The following RSPH3 variants were observed in gnomAD, a reference collection of about 807,000 sequenced individuals.
The protein encoded by RSPH3 is radial spoke head protein 3 homolog.
RSPH3 carries 21 observed loss-of-function variants against 43.8 expected under a neutral mutation model. That is an observed-to-expected ratio of 0.48 (90% CI 0.34 to 0.69). The LOEUF (loss-of-function observed/expected upper bound fraction) is 0.69, where lower values mean the gene tolerates loss of function less well. RSPH3 is among the 30% of genes least tolerant of loss of function. The pLI, the probability that RSPH3 is intolerant of heterozygous loss-of-function variation, is 0.01. For missense variants in RSPH3, 487 were observed against 516.0 expected (o/e 0.94, Z 0.54); for synonymous variants, 173 against 179.8 (o/e 0.96, Z 0.30).
chr6:158,965,287 T>C, the RSPH3 span, among the ~76,000 whole-genome samples: 1 of 152,082 alleles, frequency 6.6e-6, no homozygotes, highest in Non-Finnish European at 1.5e-5. Context: ...TCAATATGGG[T>C]TTTAGGACTG....
the RSPH3 span, among the ~76,000 whole-genome samples, chr6:158,965,288 T>C: frequency 6.6e-6 from 1 of 152,106 alleles, no homozygotes; most frequent in Non-Finnish European, 1.5e-5. Flanking sequence ...CAATATGGGT[T>C]TTAGGACTGG....
At chr6:158,984,701 C>T (rs1778169364) in intron 3 of RSPH3, among the ~76,000 whole-genome samples, 1 of 151,536 alleles carries the variant, frequency 6.6e-6, no homozygotes, top group African/African-American at 2.4e-5. Flanking sequence ...TAGGACTTGG[C>T]CAAGTCATGT....
At chr6:158,993,780 T>G in intron 2 of RSPH3, 59 bp downstream of exon 2, 1 of 900,096 alleles carries the variant, frequency 1.1e-6, no homozygotes, top group East Asian at 2.6e-5. Context: ...ACCAAGAAAC[T>G]GATCCTTCCC....
Position 158,999,844 on chromosome 6 carries a change from G to A in RSPH3, c.-294C>T. The A allele has an allele frequency of 6.2e-7, 1 of 1,613,964 alleles. No individual in the cohort carries two copies. Among genetic ancestry groups the A allele is most frequent in the African/African-American group, 1.3e-5 (1 of 75,058 alleles). On this transcript the variant is annotated 5_prime_UTR_variant, in exon 1 of 8. Coordinates refer to ENST00000367069, the MANE Select transcript of RSPH3 (RefSeq NM_031924.8). ...AACTCCGGGCAGTTCCGGTCCCCAG[G>A]TTTCCCGGGAAGGACTGCGGCACAA...
downstream of RSPH3, among the ~76,000 whole-genome samples, chr6:158,968,860 C>T (rs139339189): frequency 0.02 from 2,987 of 151,584 alleles, 39 homozygotes; most frequent in Admixed American, 0.024. Context: ...TACAGGTGTG[C>T]GCCACCACAC....
At position 158,978,253 on chromosome 6, in the gene RSPH3, A is replaced by G; in HGVS notation, c.946+7T>C. 6.9e-7 allele frequency: 1 copy of G among 1,450,742 alleles called. No homozygotes were observed. The highest frequency in any genetic ancestry group is 9.6e-7 in the Non-Finnish European group (1 of 1,040,092). 89.9% of individuals were successfully genotyped at this position (1,450,742 alleles called of 1,614,324 possible). ...TTAGAGATGAATTTTTGGATAAAAT[A>G]ACTTACTGTCAAGCACTGTTCTTCC... On this transcript the variant is annotated splice_region_variant and intron_variant, in intron 7 of 7. Coordinates refer to ENST00000367069, the MANE Select transcript of RSPH3 (RefSeq NM_031924.8).
chr6:158,978,326 G>T lies in RSPH3; in HGVS notation c.880C>A (p.Pro294Thr). 6.5e-7 allele frequency: 1 copy of T among 1,529,280 alleles called. No homozygotes were observed. The highest frequency in any genetic ancestry group is 9.0e-7 in the Non-Finnish European group (1 of 1,105,670). The allele number at this position is 1,529,280 out of a possible 1,614,324, so 94.7% of individuals were successfully genotyped here. Reference protein sequence around the residue: ...IERDIEIGFLPWLMNEVEKTM... With the variant: ...IERDIEIGFLTWLMNEVEKTM... ...TTTTCAACTTCATTCATTAGCCATG[G>T]AAGAAATCCTATCTCAATATCTGTA... Residue 294 changes from proline to threonine, a missense_variant, in exon 7 of 8, where the codon CCA (proline) becomes ACA (threonine). Transcript: ENST00000367069.
Position 158,973,404 on chromosome 6 carries a change from T to C in RSPH3, c.*4134A>G, listed in dbSNP as rs187924332. The C allele has an allele frequency of 1.7e-4, 26 of 152,318 alleles. No homozygotes were observed. The highest frequency in any genetic ancestry group is 6.3e-4 in the African/African-American group (26 of 41,570). The allele number at this position is 152,318 out of a possible 1,614,324, so 9.4% of individuals were successfully genotyped here. A position where few individuals can be genotyped will look rare whatever the true frequency, so the allele number is the denominator to read the frequency against. On this transcript the variant is annotated 3_prime_UTR_variant, in exon 8 of 8. Transcript: ENST00000367069. The stretch of plus-strand genomic sequence containing the variant: ...TGGATGGTTATGGTACCATAACATT[T>C]TGATATAATATGCAAAATGCTGCTT...
Position 158,983,827 on chromosome 6 carries a change from T to C in RSPH3, c.347-20A>G. The C allele has an allele frequency of 1.3e-6, 2 of 1,562,136 alleles. No homozygotes were observed. Among genetic ancestry groups the C allele is most frequent in the South Asian group, 1.1e-5 (1 of 89,890 alleles). On this transcript the variant is annotated intron_variant, in intron 3 of 7. Transcript: ENST00000367069. Reference sequence around the variant, plus strand: ...ATAATTCTAAGAAGAATATCATATATATCGAGTTTAAAATTCTGGTCTAAG... The same window carrying C: ...ATAATTCTAAGAAGAATATCATATACATCGAGTTTAAAATTCTGGTCTAAG...
chr6:158,990,002 G>C (rs928236584), intron 2 of RSPH3, among the ~76,000 whole-genome samples: 2 of 152,146 alleles, frequency 1.3e-5, no homozygotes, highest in Non-Finnish European at 2.9e-5. Context: ...TGTGGAAAGA[G>C]AGACTGGCCT....
chr6:158,993,613 C>T (rs768175270), intron 2 of RSPH3, among the ~76,000 whole-genome samples: 4 of 152,120 alleles, frequency 2.6e-5, no homozygotes, highest in Non-Finnish European at 5.9e-5. Context: ...AAACTCTACA[C>T]TCATTAAACA....
chr6:158,968,312 G>A (rs967612291), downstream of RSPH3, among the ~76,000 whole-genome samples: 1 of 152,064 alleles, frequency 6.6e-6, no homozygotes, highest in Non-Finnish European at 1.5e-5. Context: ...TCAGCTCACT[G>A]CAACCTCCAC....
At chr6:158,971,834 C>A (rs1048499605), downstream of RSPH3, among the ~76,000 whole-genome samples, 1 of 152,070 alleles carries the variant, frequency 6.6e-6, no homozygotes, top group Non-Finnish European at 1.5e-5. Flanking sequence ...GGGTGATTGC[C>A]GAGTCAGATT....
At chr6:158,984,364 G>T (rs1033360879) in intron 3 of RSPH3, among the ~76,000 whole-genome samples, 5 of 142,406 alleles carry the variant, frequency 3.5e-5, no homozygotes, top group Non-Finnish European at 3.0e-5. Context: ...ATTTGAAAAT[G>T]GAACTAAAGA....
intron 3 of RSPH3, 21 bp downstream of exon 3, chr6:158,986,259 G>A (rs779818455): frequency 3.7e-6 from 6 of 1,609,944 alleles, no homozygotes; most frequent in Non-Finnish European, 5.1e-6. Context: ...AGGACACAAT[G>A]CCAAGGGCAC....
chr6:158,982,685 A>G lies in RSPH3; in HGVS notation c.496T>C (p.Phe166Leu). The stretch of plus-strand genomic sequence containing the variant: ...GGTTTAACTTCAAGATCAAAGTCAA[A>G]GAGCTTAAACATACAAAATAAAGCA... Reference protein sequence around the residue: ...VATQILEGELFDFDLEVKPVL... With the variant: ...VATQILEGELLDFDLEVKPVL... The change falls in exon 5 of 8, where the codon TTT (phenylalanine) becomes CTT (leucine). Residue 166 changes from phenylalanine (F) to leucine (L), a missense_variant. By Grantham distance (22) the Phe-to-Leu change is conservative. Transcript: ENST00000367069. The G allele has an allele frequency of 6.2e-7, 1 of 1,611,978 alleles. No individual in the cohort carries two copies. Among genetic ancestry groups the G allele is most frequent in the Non-Finnish European group, 8.5e-7 (1 of 1,178,404 alleles).
chr6:158,985,571 C>T lies in RSPH3; in HGVS notation c.346+709G>A, dbSNP rs190098082. 6.6e-5 allele frequency among the ~76,000 whole-genome samples: 10 copies of T among 152,228 alleles called. No individual in the cohort carries two copies. The East Asian group carries it at 1.4e-3, about 21-fold the overall frequency. Reference sequence around the variant, plus strand: ...TTAGCCTACTGAGTAGCTGGAATTACAGGCGTGCACCACTATGCTCAACCA... The same window carrying T: ...TTAGCCTACTGAGTAGCTGGAATTATAGGCGTGCACCACTATGCTCAACCA... On this transcript the variant is annotated intron_variant, in intron 3 of 7. Coordinates refer to ENST00000367069, the MANE Select transcript of RSPH3 (RefSeq NM_031924.8).
At chr6:158,984,919 C>T (rs186028816) in intron 3 of RSPH3, among the ~76,000 whole-genome samples, 195 of 152,288 alleles carry the variant, frequency 1.3e-3, no homozygotes, top group African/African-American at 4.6e-3. Context: ...TAATGACAGC[C>T]ATACACTCAT....
In RSPH3 at chr6:158,999,397, C is replaced by A. The variant is rs746660087; in HGVS notation, c.116+38G>T. Reference sequence around the variant, plus strand: ...CAGACCCCGGCCTGGGGATGGGGTGCAAGTATGGACCACACAGGGGCTGGC... The same window carrying A: ...CAGACCCCGGCCTGGGGATGGGGTGAAAGTATGGACCACACAGGGGCTGGC... On this transcript the variant is annotated intron_variant, in intron 1 of 7. Coordinates refer to ENST00000367069, the MANE Select transcript of RSPH3 (RefSeq NM_031924.8). The A allele has an allele frequency of 2.7e-6, 4 of 1,468,076 alleles. No individual in the cohort carries two copies. The African/African-American group carries it at 4.3e-5, about 16-fold the overall frequency. The allele number at this position is 1,468,076 out of a possible 1,614,324, so 90.9% of individuals were successfully genotyped here.
Sources: allele counts gnomAD v4.1 joint callset (sites outside exome capture counted in the v4.1 genomes callset), GRCh38; gene constraint gnomAD v4.1.1; transcripts MANE v1.5; gene names NCBI Gene and HGNC (gene_info 2026-07-23, HGNC 2026-07-21).